CCDC134: variants seen among roughly 807,000 people sequenced by gnomAD.
The protein encoded by CCDC134 is coiled-coil domain containing 134, also known as coiled-coil domain-containing protein 134.
A neutral mutation model predicts 25.6 loss-of-function variants in CCDC134; 27 were observed. The ratio of observed to expected loss-of-function variants is 1.05; its 90% CI spans 0.78 to 1.45. The LOEUF (loss-of-function observed/expected upper bound fraction) is 1.45, where lower values mean the gene tolerates loss of function less well. Ranked by LOEUF, CCDC134 falls within the 40% of genes most tolerant of loss-of-function variation. The pLI, the probability that CCDC134 is intolerant of heterozygous loss-of-function variation, is 0.00. For missense variants in CCDC134, 261 were observed against 286.7 expected, an observed-to-expected ratio of 0.91 and a Z score of 0.65; for synonymous variants, 110 against 115.0, an observed-to-expected ratio of 0.96 and a Z score of 0.28.
rs1232885713 is a variant in CCDC134, at chr22:41,827,956, G to GA, written c.*2139dup. ...GTGCTTGGCTTTCCCCTTAACTGGA[G>GA]AAAAAACTTTCTAAGAACCAGGCCT... is the stretch of plus-strand genomic sequence containing the variant. On this transcript the variant is annotated 3_prime_UTR_variant, in exon 7 of 7. Coordinates refer to ENST00000255784, the MANE Select transcript of CCDC134 (RefSeq NM_024821.5). Among the ~76,000 whole-genome samples, 1 of 152,240 alleles carries GA rather than the reference G, an allele frequency of 6.6e-6. No individual in the cohort carries two copies. The highest frequency in any genetic ancestry group is 1.5e-5 in the Non-Finnish European group (1 of 68,036).
chr22:41,819,978 T>TAC (rs1556020986), intron 6 of CCDC134, among the ~76,000 whole-genome samples: 4 of 125,064 alleles, frequency 3.2e-5, no homozygotes, highest in Admixed American at 8.6e-5. Flanking sequence ...TATATATATA[T>TAC]ATATATATAT....
At chr22:41,815,497 A>T (rs1453642276) in intron 6 of CCDC134, among the ~76,000 whole-genome samples, 1 of 151,810 alleles carries the variant, frequency 6.6e-6, no homozygotes, top group Admixed American at 6.6e-5. Context: ...GAGCCACCGC[A>T]CCCGGCCTAA....
chr22:41,810,310 C>A lies in CCDC134; in HGVS notation c.310+19C>A. 6.2e-7 allele frequency: 1 copy of A among 1,604,884 alleles called. No individual in the cohort carries two copies. Among genetic ancestry groups the A allele is most frequent in the East Asian group, 2.2e-5 (1 of 44,690 alleles). On this transcript the variant is annotated intron_variant, in intron 4 of 6. Transcript: ENST00000255784. ...AAGGATGGTATGGTCTGCCCTGCCC[C>A]GCCCTGTCCTCCGCACCACCCGATC...
At chr22:41,816,202 A>T (rs1467638491) in intron 6 of CCDC134, among the ~76,000 whole-genome samples, 2 of 152,126 alleles carry the variant, frequency 1.3e-5, no homozygotes, top group African/African-American at 4.8e-5. Context: ...TCTCTCCCAC[A>T]TGTTACGCTT....
intron 4 of CCDC134, among the ~76,000 whole-genome samples, chr22:41,812,617 G>A (rs1455976100): frequency 6.6e-6 from 1 of 151,836 alleles, no homozygotes; most frequent in Non-Finnish European, 1.5e-5. Context: ...GGGCAACAAA[G>A]TGAGACCTCA....
Position 41,830,066 on chromosome 22 carries a change from C to T in CCDC134, c.*4243C>T, listed in dbSNP as rs926466181. Among the ~76,000 whole-genome samples the T allele has an allele frequency of 6.6e-5, 10 of 152,160 alleles. No individual in the cohort carries two copies. Among genetic ancestry groups the T allele is most frequent in the Admixed American group, 4.6e-4 (7 of 15,272 alleles). On this transcript the variant is annotated 3_prime_UTR_variant, in exon 7 of 7. Transcript: ENST00000255784. ...GATTACAGGCGTAAGCAACCGTGCC[C>T]GGCTGTCCATCTCTTTTCAGATGAA...
chr22:41,814,045 A>AT (rs2076611086), intron 6 of CCDC134, among the ~76,000 whole-genome samples: 2 of 152,186 alleles, frequency 1.3e-5, no homozygotes, highest in Admixed American at 6.5e-5. Flanking sequence ...AACTCCAGTT[A>AT]TGGGGGGTAG....
At chr22:41,815,211 T>C (rs1475094875) in intron 6 of CCDC134, among the ~76,000 whole-genome samples, 1 of 147,456 alleles carries the variant, frequency 6.8e-6, no homozygotes, top group East Asian at 1.9e-4. Flanking sequence ...TTTCTTTTTT[T>C]TTTTTTTTTT....
At chr22:41,801,856 T>C (rs2076545257) in intron 1 of CCDC134, among the ~76,000 whole-genome samples, 1 of 152,186 alleles carries the variant, frequency 6.6e-6, no homozygotes, top group Non-Finnish European at 1.5e-5. Context: ...ATGTGTGCCA[T>C]AGTAACCTGT....
intron 1 of CCDC134, among the ~76,000 whole-genome samples, chr22:41,807,317 C>T (rs575632526): frequency 6.6e-6 from 1 of 152,322 alleles, no homozygotes; most frequent in South Asian, 2.1e-4. Context: ...TATCCCAGTA[C>T]TTTGGGAGGC....
At position 41,827,556 on chromosome 22, in the gene CCDC134, G is replaced by A. The variant is rs941625319; in HGVS notation, c.*1733G>A. On this transcript the variant is annotated 3_prime_UTR_variant, in exon 7 of 7. Coordinates refer to ENST00000255784, the MANE Select transcript of CCDC134 (RefSeq NM_024821.5). ...AGAGGGCCTGAGCATAGGGACTCAA[G>A]GGGCCCGTTACAGAATTTTTGGGAG... Among the ~76,000 whole-genome samples, 14 of 152,216 alleles carry A rather than the reference G, an allele frequency of 9.2e-5. No individual in the cohort carries two copies. The highest frequency in any genetic ancestry group is 2.9e-5 in the Non-Finnish European group (2 of 68,048).
chr22:41,808,079 G>C (rs539857117), intron 1 of CCDC134, among the ~76,000 whole-genome samples: 99 of 152,040 alleles, frequency 6.5e-4, no homozygotes, highest in African/African-American at 2.3e-3. Flanking sequence ...AGAATCGCTT[G>C]AACCCGGGAG....
At chr22:41,824,196 A>G (rs2148321133) in intron 6 of CCDC134, among the ~76,000 whole-genome samples, 1 of 152,292 alleles carries the variant, frequency 6.6e-6, no homozygotes, top group Middle Eastern at 3.4e-3. Flanking sequence ...TCAGGGAGTC[A>G]GGGCAGGTCT....
At chr22:41,810,323 G>T (rs770485477) in intron 4 of CCDC134, 32 bp downstream of exon 4, 1 of 1,574,964 alleles carries the variant, frequency 6.3e-7, no homozygotes, top group Middle Eastern at 1.7e-4. Flanking sequence ...CCTGTCCTCC[G>T]CACCACCCGA....
intron 1 of CCDC134, among the ~76,000 whole-genome samples, chr22:41,807,222 C>T (rs1290379129): frequency 1.2e-4 from 18 of 152,058 alleles, no homozygotes; most frequent in Non-Finnish European, 7.4e-5. Context: ...GCCCTCAAGA[C>T]AGAATATTTG....
chr22:41,810,828 C>T (rs748016187), intron 4 of CCDC134, among the ~76,000 whole-genome samples: 1 of 152,056 alleles, frequency 6.6e-6, no homozygotes, highest in Non-Finnish European at 1.5e-5. Context: ...TGAGAGGATG[C>T]GGACAGCTCT....
chr22:41,813,710 CA>C (rs763835803), intron 5 of CCDC134, 40 bp from the exon 6 acceptor site: 1 of 1,585,050 alleles, frequency 6.3e-7, no homozygotes, highest in Non-Finnish European at 8.7e-7. Flanking sequence ...GAGCAGGACT[CA>C]GGAGAAGGCA....
At position 41,801,808 on chromosome 22, in the gene CCDC134, AATG is replaced by A. The variant is rs1379644398; in HGVS notation, c.-17+1046_-17+1048del. Among the ~76,000 whole-genome samples, 3 of 152,198 alleles carry A rather than the reference AATG, an allele frequency of 2.0e-5. No individual in the cohort carries two copies. In the East Asian group the frequency reaches 5.8e-4, roughly 29 times the overall value. Reference sequence around the variant, plus strand: ...ATAGCAGAGTGAGAGACTCTAAAAAAATGATGTTTACTTGGGAATAGACATTGT... The same window carrying A: ...ATAGCAGAGTGAGAGACTCTAAAAAAATGTTTACTTGGGAATAGACATTGT... On this transcript the variant is annotated intron_variant, in intron 1 of 6. Transcript: ENST00000255784.
intron 1 of CCDC134, among the ~76,000 whole-genome samples, chr22:41,803,157 G>C (rs2076552258): frequency 6.6e-6 from 1 of 152,088 alleles, no homozygotes; most frequent in African/African-American, 2.4e-5. Context: ...GAGTGTGCGG[G>C]AGTCAGTTGG....
Sources: allele counts gnomAD v4.1 joint callset (sites outside exome capture counted in the v4.1 genomes callset), GRCh38; gene constraint gnomAD v4.1.1; transcripts MANE v1.5; gene names NCBI Gene and HGNC (gene_info 2026-07-23, HGNC 2026-07-21).